CNTNAP2: variants seen among roughly 807,000 people sequenced by gnomAD.
The protein encoded by CNTNAP2 is contactin-associated protein-like 2.
In CNTNAP2, 98 loss-of-function variants were observed where a neutral mutation model predicts 155.2. The ratio of observed to expected loss-of-function variants is 0.63; its 90% CI spans 0.54 to 0.75. The LOEUF (loss-of-function observed/expected upper bound fraction) is 0.75. Among genes scored for constraint, CNTNAP2 ranks in the 30% least tolerant of loss-of-function variants. The probability of loss-of-function intolerance (pLI) is 0.00; values close to 1 mark genes in which losing one functional copy is unlikely to be tolerated. For synonymous variants in CNTNAP2, 651 were observed against 631.2 expected (o/e 1.03, Z -0.47); for missense variants, 1,727 against 1,688.1 (o/e 1.02, Z -0.40).
intron 22 of CNTNAP2, among the ~76,000 whole-genome samples, chr7:148,387,409 GTAAA>G (rs1442479965): frequency 6.6e-6 from 1 of 152,182 alleles, no homozygotes; most frequent in Non-Finnish European, 1.5e-5. Context: ...CTTTCTACCT[GTAAA>G]TAACGTGAGG....
chr7:147,638,037 C>A (rs1482767301), intron 12 of CNTNAP2, among the ~76,000 whole-genome samples: 1 of 152,024 alleles, frequency 6.6e-6, no homozygotes, highest in African/African-American at 2.4e-5. Flanking sequence ...GAGTTGGTTA[C>A]CTAGCATCTT....
intron 13 of CNTNAP2, among the ~76,000 whole-genome samples, chr7:147,864,027 C>G (rs1300611581): frequency 6.6e-6 from 1 of 151,994 alleles, no homozygotes; most frequent in East Asian, 1.9e-4. Context: ...AATGGTATTG[C>G]CTAGGTTTTC....
chr7:148,343,226 G>A (rs1238657493), intron 21 of CNTNAP2, among the ~76,000 whole-genome samples: 2 of 152,164 alleles, frequency 1.3e-5, no homozygotes, highest in Non-Finnish European at 2.9e-5. Flanking sequence ...AGGCATCTGT[G>A]ACATGTCCCA....
At chr7:147,949,593 C>A (rs561986189) in intron 14 of CNTNAP2, among the ~76,000 whole-genome samples, 113 of 152,010 alleles carry the variant, frequency 7.4e-4, no homozygotes, top group African/African-American at 2.5e-3. Flanking sequence ...GGTTGTTCTC[C>A]CGGAATGAGC....
intron 1 of CNTNAP2, among the ~76,000 whole-genome samples, chr7:146,449,413 T>C (rs1450860634): frequency 6.6e-6 from 1 of 152,034 alleles, no homozygotes; most frequent in Non-Finnish European, 1.5e-5. Context: ...TATAAGAAAA[T>C]ATATGAAGCA....
intron 15 of CNTNAP2, among the ~76,000 whole-genome samples, chr7:147,988,799 A>G (rs1801664805): frequency 6.6e-6 from 1 of 152,174 alleles, no homozygotes; most frequent in African/African-American, 2.4e-5. Flanking sequence ...ATCTCTCACC[A>G]TTTGAAGAGA....
chr7:147,276,772 T>C (rs765934524), intron 8 of CNTNAP2, among the ~76,000 whole-genome samples: 1 of 152,002 alleles, frequency 6.6e-6, no homozygotes, highest in Non-Finnish European at 1.5e-5. Context: ...CTAGCACACT[T>C]TCATATATGT....
At chr7:147,466,263 C>T (rs1444511989) in intron 10 of CNTNAP2, among the ~76,000 whole-genome samples, 1 of 152,210 alleles carries the variant, frequency 6.6e-6, no homozygotes, top group African/African-American at 2.4e-5. Context: ...TACAGCATTC[C>T]TTCTTTCAGG....
intron 3 of CNTNAP2, among the ~76,000 whole-genome samples, chr7:146,998,852 G>A (rs1415973095): frequency 1.3e-5 from 2 of 151,678 alleles, no homozygotes; most frequent in Admixed American, 6.6e-5. Flanking sequence ...CACTTTAATG[G>A]TTTCCATTCC....
intron 3 of CNTNAP2, among the ~76,000 whole-genome samples, chr7:146,961,444 G>T (rs1410452500): frequency 1.3e-5 from 2 of 152,172 alleles, no homozygotes; most frequent in Admixed American, 6.5e-5. Context: ...GGTGTAATTC[G>T]AAGTGAAGAA....
At chr7:147,052,936 C>A (rs1799498040) in intron 4 of CNTNAP2, among the ~76,000 whole-genome samples, 1 of 151,864 alleles carries the variant, frequency 6.6e-6, no homozygotes, top group Non-Finnish European at 1.5e-5. Context: ...GATGTTCTTG[C>A]CATTAAGAGA....
intron 4 of CNTNAP2, among the ~76,000 whole-genome samples, chr7:147,060,073 C>G (rs1012237556): frequency 6.6e-6 from 1 of 151,790 alleles, no homozygotes; most frequent in African/African-American, 2.4e-5. Flanking sequence ...AAATGAAGGA[C>G]AAAATAATTT....
chr7:146,712,385 CT>C (rs1801110025), intron 1 of CNTNAP2, among the ~76,000 whole-genome samples: 2 of 129,472 alleles, frequency 1.5e-5, no homozygotes, highest in Admixed American at 7.9e-5. Context: ...CTTATGTATA[CT>C]ATATATATAA....
intron 21 of CNTNAP2, among the ~76,000 whole-genome samples, chr7:148,290,288 A>G (rs1025348713): frequency 1.3e-5 from 2 of 152,234 alleles, no homozygotes; most frequent in African/African-American, 4.8e-5. Context: ...ATTGTACATA[A>G]CAGTTTTCAC....
intron 1 of CNTNAP2, among the ~76,000 whole-genome samples, chr7:146,643,710 A>T (rs1799756466): frequency 6.6e-6 from 1 of 152,160 alleles, no homozygotes; most frequent in Admixed American, 6.5e-5. Context: ...AGTCATTGGT[A>T]GCTTGATGGG....
intron 14 of CNTNAP2, among the ~76,000 whole-genome samples, chr7:147,938,757 G>A (rs1048625307): frequency 6.6e-6 from 1 of 152,014 alleles, no homozygotes; most frequent in South Asian, 2.1e-4. Flanking sequence ...AAATTCCAGG[G>A]CTGTATTCAC....
chr7:147,299,685 A>G (rs979758775), intron 8 of CNTNAP2, among the ~76,000 whole-genome samples: 6 of 152,208 alleles, frequency 3.9e-5, no homozygotes, highest in African/African-American at 1.4e-4. Flanking sequence ...CCATAAATTC[A>G]TTTTCTTGTC....
chr7:146,413,544 A>C (rs953310059), intron 1 of CNTNAP2, among the ~76,000 whole-genome samples: 1 of 152,212 alleles, frequency 6.6e-6, no homozygotes, highest in African/African-American at 2.4e-5. Flanking sequence ...CAGTCTCAAA[A>C]CAGTTACACA....
rs569250957 is a variant in CNTNAP2 at position 147,823,519 on chromosome 7, C to T, written c.2099-80046C>T. ...TCACTACCTTTGAGGTATGAAGACACGCGCCCTGAAAAAACTTGGCTCCTA... is the reference window on the plus strand; with the variant it reads ...TCACTACCTTTGAGGTATGAAGACATGCGCCCTGAAAAAACTTGGCTCCTA... On this transcript the variant is annotated intron_variant, in intron 13 of 23. Transcript: ENST00000361727. 1.5e-3 allele frequency among the ~76,000 whole-genome samples: 221 copies of T among 152,156 alleles called. 1 individual carries two copies. Among genetic ancestry groups the T allele is most frequent in the African/African-American group, 4.4e-3 (183 of 41,520 alleles).
Sources: allele counts gnomAD v4.1 joint callset (sites outside exome capture counted in the v4.1 genomes callset), GRCh38; gene constraint gnomAD v4.1.1; transcripts MANE v1.5; gene names NCBI Gene and HGNC (gene_info 2026-07-23, HGNC 2026-07-21).